The following FRMD4B variants were observed in gnomAD, a reference collection of about 807,000 sequenced individuals.
FRMD4B encodes the protein FERM domain containing 4B.
In FRMD4B, 74 loss-of-function variants were observed where a neutral mutation model predicts 141.5. The ratio of observed to expected loss-of-function variants is 0.52; its 90% confidence interval spans 0.43 to 0.63. The LOEUF is 0.63. Among genes scored for constraint, FRMD4B ranks in the 30% least tolerant of loss-of-function variants. The pLI is 0.00. For synonymous variants in FRMD4B, 506 were observed against 467.9 expected (o/e 1.08, Z -1.05); for missense variants, 1,366 against 1,253.4 (o/e 1.09, Z -1.36).
intron 11 of FRMD4B, among the ~76,000 whole-genome samples, chr3:69,212,429 T>C (rs2093095619): frequency 7.0e-6 from 1 of 142,956 alleles, no homozygotes; most frequent in African/African-American, 2.6e-5. Context: ...AAAGATGGAC[T>C]GTGTAGGGTC....
chr3:69,268,184 C>T (rs1355710984), intron 5 of FRMD4B, among the ~76,000 whole-genome samples: 1 of 151,914 alleles, frequency 6.6e-6, no homozygotes, highest in East Asian at 1.9e-4. Flanking sequence ...TATCTGAATC[C>T]TCCTTATAAA....
chr3:69,457,516 G>C (rs1047341862), intron 1 of FRMD4B, among the ~76,000 whole-genome samples: 4 of 152,170 alleles, frequency 2.6e-5, no homozygotes, highest in Non-Finnish European at 5.9e-5. Flanking sequence ...CTGGGAGTGT[G>C]TCCCTTTGGG....
Position 69,181,585 on chromosome 3 carries a change from C to G in FRMD4B, c.2165G>C (p.Ser722Thr). The change falls in exon 21 of 23, where the codon AGC becomes ACC. Residue 722 changes from serine (S) to threonine (T), a missense_variant. Ser to Thr is a moderately conservative substitution (Grantham distance 58). Transcript: ENST00000398540. Reference protein sequence around the residue: ...FSLSKSQRSSSTEILDDGSSY... With the variant: ...FSLSKSQRSSTTEILDDGSSY... ...AGACCCGTCATCGAGGATTTCTGTGCTGCTGCTTCTTTGGGATTTGGAGAG... is the reference window on the plus strand; with the variant it reads ...AGACCCGTCATCGAGGATTTCTGTGGTGCTGCTTCTTTGGGATTTGGAGAG... 1 of 1,613,730 alleles carries G rather than the reference C, an allele frequency of 6.2e-7. No homozygotes were observed. Among genetic ancestry groups the G allele is most frequent in the Non-Finnish European group, 8.5e-7 (1 of 1,179,718 alleles).
At chr3:69,416,233 A>G (rs1418298194) in intron 2 of FRMD4B, among the ~76,000 whole-genome samples, 1 of 152,230 alleles carries the variant, frequency 6.6e-6, no homozygotes, top group Non-Finnish European at 1.5e-5. Context: ...AGAAAGAAAA[A>G]GCAGGTGTTC....
At position 69,237,552 on chromosome 3, in the gene FRMD4B, A is replaced by T. The variant is rs1286201440; in HGVS notation, c.581+11674T>A. On this transcript the variant is annotated intron_variant, in intron 7 of 22. Coordinates refer to ENST00000398540, the MANE Select transcript of FRMD4B (RefSeq NM_015123.3). ...ACAGGGCTACAGGTGTGAGCATGCA[A>T]AGAAGGCCTTCATGGGGGTTTAGGT... is the stretch of plus-strand genomic sequence containing the variant. 3.9e-5 allele frequency among the ~76,000 whole-genome samples: 6 copies of T among 152,108 alleles called. No individual in the cohort carries two copies. In the East Asian group the frequency reaches 1.2e-3, roughly 29 times the overall value.
chr3:69,270,342 G>T (rs1171055789), intron 5 of FRMD4B, among the ~76,000 whole-genome samples: 3 of 152,136 alleles, frequency 2.0e-5, no homozygotes, highest in African/African-American at 4.8e-5. Context: ...AGGGCTCTTA[G>T]GCATGTGAAG....
intron 1 of FRMD4B, among the ~76,000 whole-genome samples, chr3:69,512,784 C>T (rs1305993501): frequency 6.6e-6 from 1 of 152,032 alleles, no homozygotes; most frequent in Non-Finnish European, 1.5e-5. Flanking sequence ...AGGAATGTTC[C>T]ATCATTAAAA....
chr3:69,392,202 T>G (rs952906922), intron 2 of FRMD4B, among the ~76,000 whole-genome samples: 5 of 152,158 alleles, frequency 3.3e-5, no homozygotes, highest in African/African-American at 1.2e-4. Context: ...TGAGACGATC[T>G]CTGTCTAAGC....
intron 1 of FRMD4B, among the ~76,000 whole-genome samples, chr3:69,433,515 C>T (rs1389386502): frequency 6.6e-6 from 1 of 152,166 alleles, no homozygotes; most frequent in Non-Finnish European, 1.5e-5. Flanking sequence ...CGCTTGGCAC[C>T]TCCCCACACC....
intron 1 of FRMD4B, among the ~76,000 whole-genome samples, chr3:69,326,218 T>C (rs1486262994): frequency 1.3e-5 from 2 of 150,890 alleles, no homozygotes; most frequent in Non-Finnish European, 1.5e-5. Context: ...CGGCCTCCCA[T>C]AGTGCTGGGA....
intron 11 of FRMD4B, among the ~76,000 whole-genome samples, chr3:69,211,016 C>T (rs1391789854): frequency 1.0e-5 from 1 of 99,274 alleles, no homozygotes. Flanking sequence ...GAGTGAAATG[C>T]CATCTCGAAA....
chr3:69,286,689 G>A (rs1700699669), intron 5 of FRMD4B, among the ~76,000 whole-genome samples: 1 of 152,202 alleles, frequency 6.6e-6, no homozygotes, highest in Non-Finnish European at 1.5e-5. Flanking sequence ...CTTGGCCCAT[G>A]GCTTCCCTTC....
intron 1 of FRMD4B, among the ~76,000 whole-genome samples, chr3:69,532,095 G>C (rs754858535): frequency 6.6e-6 from 1 of 152,130 alleles, no homozygotes. Flanking sequence ...CCAGTCTAAG[G>C]GCACATGGTT....
chr3:69,302,680 T>C (rs1256267049), intron 3 of FRMD4B, among the ~76,000 whole-genome samples: 1 of 152,174 alleles, frequency 6.6e-6, no homozygotes, highest in Non-Finnish European at 1.5e-5. Flanking sequence ...TGAGAAATAA[T>C]TTGTATATGA....
At chr3:69,326,635 G>A (rs1011998105) in intron 1 of FRMD4B, among the ~76,000 whole-genome samples, 2 of 152,226 alleles carry the variant, frequency 1.3e-5, no homozygotes, top group African/African-American at 4.8e-5. Flanking sequence ...CCACGAAGTT[G>A]AGAATGACTT....
intron 5 of FRMD4B, among the ~76,000 whole-genome samples, chr3:69,284,260 T>G (rs2093657305): frequency 6.6e-6 from 1 of 152,014 alleles, no homozygotes; most frequent in Non-Finnish European, 1.5e-5. Context: ...CCCCTGAAAA[T>G]CTATAGAGGG....
chr3:69,421,870 AC>A (rs1234203657), intron 2 of FRMD4B, among the ~76,000 whole-genome samples: 4 of 152,192 alleles, frequency 2.6e-5, no homozygotes, highest in African/African-American at 9.7e-5. Flanking sequence ...ACAAAATGAA[AC>A]AAAGGTTACT....
At chr3:69,324,441 T>G (rs991408579) in intron 1 of FRMD4B, among the ~76,000 whole-genome samples, 50 of 152,370 alleles carry the variant, frequency 3.3e-4, no homozygotes, top group East Asian at 1.9e-4. Context: ...TCTCTGGAGC[T>G]TGTCCTACAG....
intron 5 of FRMD4B, among the ~76,000 whole-genome samples, chr3:69,271,572 G>T (rs555714504): frequency 1.8e-3 from 254 of 141,446 alleles, no homozygotes; most frequent in African/African-American, 6.2e-3. Context: ...ATATCTTAAT[G>T]CTCATATTAA....
Sources: gnomAD v4.1 joint callset for allele counts (sites outside exome capture counted in the v4.1 genomes callset) on GRCh38, gnomAD v4.1.1 for gene constraint, MANE v1.5 for transcripts, NCBI Gene and HGNC (gene_info 2026-07-23, HGNC 2026-07-21) for gene names.